POU6F2: variants seen among roughly 807,000 people sequenced by gnomAD.
POU6F2 encodes POU class 6 homeobox 2.
Under a neutral mutation model 71.3 loss-of-function variants are expected in POU6F2, and 31 were observed. The ratio of observed to expected loss-of-function variants is 0.43; its 90% CI spans 0.33 to 0.59. The LOEUF is 0.59. Among genes scored for constraint, POU6F2 ranks in the 20% least tolerant of loss-of-function variants. The pLI is 0.04. For synonymous variants in POU6F2, 347 were observed against 355.7 expected, an observed-to-expected ratio of 0.98 and a Z score of 0.27; for missense variants, 783 against 856.8, an observed-to-expected ratio of 0.91 and a Z score of 1.07.
chr7:39,009,327 C>G (rs1481987035), intron 1 of POU6F2, among the ~76,000 whole-genome samples: 6 of 151,770 alleles, frequency 4.0e-5, no homozygotes, highest in Non-Finnish European at 8.8e-5. Flanking sequence ...CTCTGTTTGT[C>G]TGTTGTTGGT....
At position 39,222,777 on chromosome 7, in the gene POU6F2, G is replaced by A. The variant is rs537518094; in HGVS notation, c.598+15157G>A. ...AAGACTAAATAATATTCCATTGTATGTATAGCTACTCATCTGTGGAATGGA... is the reference window on the plus strand; with the variant it reads ...AAGACTAAATAATATTCCATTGTATATATAGCTACTCATCTGTGGAATGGA... On this transcript the variant is annotated intron_variant, in intron 4 of 9. Transcript: ENST00000518318. Among the ~76,000 whole-genome samples, 232 of 152,164 alleles carry A rather than the reference G, an allele frequency of 1.5e-3. 1 individual carries two copies. The highest frequency in any genetic ancestry group is 2.6e-3 in the Non-Finnish European group (178 of 68,026).
At chr7:39,079,471 C>G (rs1331387685) in intron 1 of POU6F2, among the ~76,000 whole-genome samples, 2 of 152,046 alleles carry the variant, frequency 1.3e-5, no homozygotes, top group African/African-American at 4.8e-5. Flanking sequence ...GCCACCGTGC[C>G]CGGCCAAGTC....
intron 1 of POU6F2, among the ~76,000 whole-genome samples, chr7:38,991,269 A>G (rs1376748179): frequency 6.6e-6 from 1 of 152,168 alleles, no homozygotes; most frequent in African/African-American, 2.4e-5. Flanking sequence ...CACTCATTTT[A>G]TTCTATTAGA....
chr7:39,131,826 T>A (rs1301879567), intron 2 of POU6F2, among the ~76,000 whole-genome samples: 2 of 147,576 alleles, frequency 1.4e-5, no homozygotes, highest in African/African-American at 2.5e-5. Flanking sequence ...ATGAGAGGCA[T>A]CTATTTTGTT....
chr7:39,429,657 T>C lies in POU6F2; in HGVS notation c.1114-3420T>C, dbSNP rs191461570. 1.9e-3 allele frequency among the ~76,000 whole-genome samples: 297 copies of C among 152,318 alleles called. 2 individuals are homozygous for C. The highest frequency in any genetic ancestry group is 0.018 in the Admixed American group (275 of 15,304). ...AATCTGTCTGGTACATTGAGTGGCT[T>C]GAACAGGAGTCACAGCCTAGTTGTC... On this transcript the variant is annotated intron_variant, in intron 6 of 9. Coordinates refer to ENST00000518318, the MANE Select transcript of POU6F2 (RefSeq NM_001370959.1).
At chr7:39,325,348 T>C (rs1160505912) in intron 4 of POU6F2, among the ~76,000 whole-genome samples, 1 of 152,226 alleles carries the variant, frequency 6.6e-6, no homozygotes, top group African/African-American at 2.4e-5. Flanking sequence ...TCTTAAAAAC[T>C]AAGCAAGAGC....
intron 7 of POU6F2, among the ~76,000 whole-genome samples, chr7:39,443,945 C>T (rs1788467578): frequency 1.3e-5 from 2 of 152,152 alleles, no homozygotes; most frequent in African/African-American, 2.4e-5. Context: ...ATAGAGTTCC[C>T]TAACTCATAC....
chr7:39,347,114 T>A (rs1481200654), intron 5 of POU6F2, among the ~76,000 whole-genome samples: 1 of 152,146 alleles, frequency 6.6e-6, no homozygotes. Context: ...GGTGTGGGGA[T>A]TAAATGCAAT....
chr7:39,060,895 T>G (rs751482968), intron 1 of POU6F2, among the ~76,000 whole-genome samples: 3 of 151,762 alleles, frequency 2.0e-5, no homozygotes, highest in Middle Eastern at 3.4e-3. Context: ...GCTATGATTG[T>G]GCCTGTGAAT....
At chr7:39,267,109 A>G (rs1784260538) in intron 4 of POU6F2, among the ~76,000 whole-genome samples, 1 of 152,258 alleles carries the variant, frequency 6.6e-6, no homozygotes, top group Non-Finnish European at 1.5e-5. Flanking sequence ...GCTTGTTTGA[A>G]TAACATAATT....
At chr7:39,388,987 A>G (rs775786142) in intron 5 of POU6F2, among the ~76,000 whole-genome samples, 6 of 152,228 alleles carry the variant, frequency 3.9e-5, no homozygotes, top group Non-Finnish European at 8.8e-5. Flanking sequence ...CTTATTTACC[A>G]TAATTTTATT....
At chr7:39,399,714 G>A (rs191643418) in intron 5 of POU6F2, among the ~76,000 whole-genome samples, 2 of 152,184 alleles carry the variant, frequency 1.3e-5, no homozygotes, top group Non-Finnish European at 2.9e-5. Flanking sequence ...GGCAGGAGAG[G>A]TGGCATGAAC....
At chr7:38,984,877 C>G (rs1244588737) in intron 1 of POU6F2, 1 of 151,958 alleles carries the variant, frequency 6.6e-6, no homozygotes, top group Non-Finnish European at 1.5e-5. Flanking sequence ...GAATACATAC[C>G]TGTTAAATGG....
intron 2 of POU6F2, among the ~76,000 whole-genome samples, chr7:39,092,058 C>T (rs1173461704): frequency 2.0e-5 from 3 of 152,310 alleles, no homozygotes; most frequent in East Asian, 3.9e-4. Context: ...CAGAGGCAAT[C>T]GGAGAAGCAG....
chr7:39,182,543 C>T lies in POU6F2; in HGVS notation c.278-21692C>T, dbSNP rs534494484. On this transcript the variant is annotated intron_variant, in intron 2 of 9. Coordinates refer to ENST00000518318, the MANE Select transcript of POU6F2 (RefSeq NM_001370959.1). ...TAACAAATCTAGTAGGCATCTTTCT[C>T]TTCTTTTCTCGATCCCTTTAAAGCA... 1.2e-4 allele frequency among the ~76,000 whole-genome samples: 18 copies of T among 152,220 alleles called. No individual in the cohort carries two copies. The East Asian group carries it at 3.5e-3, about 29-fold the overall frequency.
At chr7:39,087,171 T>A (rs200640624) in intron 2 of POU6F2, among the ~76,000 whole-genome samples, 1,623 of 117,484 alleles carry the variant, frequency 0.014, 14 homozygotes, top group South Asian at 0.032. Context: ...TTTATTTATT[T>A]ATTTATTTAT....
intron 1 of POU6F2, chr7:38,984,435 A>G (rs1385752882): frequency 6.6e-6 from 1 of 152,160 alleles, no homozygotes; most frequent in Non-Finnish European, 1.5e-5. Context: ...CTCGAGCAAA[A>G]CAAAGCAAAA....
intron 1 of POU6F2, among the ~76,000 whole-genome samples, chr7:39,024,004 A>G (rs933429318): frequency 6.6e-6 from 1 of 152,148 alleles, no homozygotes; most frequent in Non-Finnish European, 1.5e-5. Flanking sequence ...TTTTGGTTCC[A>G]TATGAACTTT....
chr7:39,040,256 C>CA (rs971155009), intron 1 of POU6F2, among the ~76,000 whole-genome samples: 2 of 146,410 alleles, frequency 1.4e-5, no homozygotes, highest in African/African-American at 2.5e-5. Context: ...GTAAAATGTA[C>CA]AAAAAAACAT....
Sources: gnomAD v4.1 joint callset for allele counts (sites outside exome capture counted in the v4.1 genomes callset) on GRCh38, gnomAD v4.1.1 for gene constraint, MANE v1.5 for transcripts, NCBI Gene and HGNC (gene_info 2026-07-23, HGNC 2026-07-21) for gene names.